FHIT: variants seen among roughly 807,000 people sequenced by gnomAD.
FHIT encodes the protein fragile histidine triad diadenosine triphosphatase.
In FHIT, 19 loss-of-function variants were observed where a neutral mutation model predicts 17.9. That is an observed-to-expected ratio of 1.06 (90% CI 0.74 to 1.56). The LOEUF is 1.56. Ranked by LOEUF, FHIT falls within the 40% of genes most tolerant of loss-of-function variation. FHIT has a pLI of 0.00. For missense variants in FHIT, 248 were observed against 189.2 expected (o/e 1.31, Z -1.82); for synonymous variants, 81 against 69.7 (o/e 1.16, Z -0.81).
chr3:60,949,616 C>T (rs9838956), intron 3 of FHIT, among the ~76,000 whole-genome samples: 1 of 152,300 alleles, frequency 6.6e-6, no homozygotes, highest in South Asian at 2.1e-4. Context: ...CTAATTGTTT[C>T]TCCGGCTTTG....
At chr3:61,061,500 A>G (rs554025813) in intron 2 of FHIT, among the ~76,000 whole-genome samples, 134 of 151,770 alleles carry the variant, frequency 8.8e-4, no homozygotes, top group Non-Finnish European at 1.7e-3. Context: ...TATTTTATTT[A>G]TTTTAATTAA....
chr3:59,747,396 T>C lies in FHIT; in HGVS notation c.*2189A>G, dbSNP rs78136273. 1.3e-3 allele frequency among the ~76,000 whole-genome samples: 204 copies of C among 152,156 alleles called. 1 individual carries two copies. The highest frequency in any genetic ancestry group is 6.8e-3 in the Middle Eastern group (2 of 294). On this transcript the variant is annotated 3_prime_UTR_variant, in exon 10 of 10. Transcript: ENST00000492590. ...GCGTATTCAGGGGAAATGTCCTTTA[T>C]AAAACCATCACTATCAATCATGAGA...
At chr3:61,144,697 C>T (rs1270218803) in intron 2 of FHIT, among the ~76,000 whole-genome samples, 2 of 152,308 alleles carry the variant, frequency 1.3e-5, no homozygotes. Flanking sequence ...CTTATCCTCA[C>T]CAACGCTTGT....
chr3:60,956,096 C>A (rs1417638414), intron 3 of FHIT, among the ~76,000 whole-genome samples: 2 of 151,992 alleles, frequency 1.3e-5, no homozygotes, highest in African/African-American at 2.4e-5. Flanking sequence ...ACTCATGTAC[C>A]CTATTTAATG....
intron 5 of FHIT, among the ~76,000 whole-genome samples, chr3:60,118,326 T>G (rs1049601844): frequency 1.3e-5 from 2 of 151,614 alleles, no homozygotes; most frequent in African/African-American, 4.8e-5. Flanking sequence ...CAGGATGGTC[T>G]TGAACTCCTG....
intron 5 of FHIT, among the ~76,000 whole-genome samples, chr3:60,083,271 G>A (rs1342805244): frequency 6.6e-6 from 1 of 152,104 alleles, no homozygotes; most frequent in African/African-American, 2.4e-5. Flanking sequence ...AGTTGGAGGT[G>A]TGAGGTTTTA....
At chr3:59,929,363 G>GTTTTTTTTTTT (rs869243844) in intron 7 of FHIT, among the ~76,000 whole-genome samples, 24 of 67,056 alleles carry the variant, frequency 3.6e-4, no homozygotes, top group South Asian at 1.4e-3. Context: ...TGTTTTTTTG[G>GTTTTTTTTTTT]TTTTTTTTTT....
intron 4 of FHIT, among the ~76,000 whole-genome samples, chr3:60,540,161 T>A (rs2036139599): frequency 6.6e-6 from 1 of 152,034 alleles, no homozygotes; most frequent in African/African-American, 2.4e-5. Flanking sequence ...TTTAGGGAGC[T>A]TCTGGATAGC....
intron 7 of FHIT, among the ~76,000 whole-genome samples, chr3:59,964,790 TAATTATTCTGTGTTATTATTTTTAAA>T (rs1411525306): frequency 6.6e-6 from 1 of 151,918 alleles, no homozygotes; most frequent in Admixed American, 6.5e-5. Flanking sequence ...GCAAGTTGTA[TAATTATTCTGTGTTATTATTTTTAAA>T]AGCCCTATAT....
intron 5 of FHIT, among the ~76,000 whole-genome samples, chr3:60,364,250 A>T (rs907290824): frequency 6.6e-6 from 1 of 152,176 alleles, no homozygotes; most frequent in African/African-American, 2.4e-5. Context: ...TGTGTACTCC[A>T]TGCTGCTTTC....
chr3:60,569,755 A>ATATATATATATATATATATATAT, intron 4 of FHIT, among the ~76,000 whole-genome samples: 2 of 77,332 alleles, frequency 2.6e-5, no homozygotes, highest in African/African-American at 9.7e-5. Flanking sequence ...ATATATATAT[A>ATATATATATATATATATATATAT]TTTTTTTTTT....
chr3:60,820,108 G>A (rs1175759634), intron 4 of FHIT, among the ~76,000 whole-genome samples: 1 of 152,048 alleles, frequency 6.6e-6, no homozygotes, highest in Non-Finnish European at 1.5e-5. Flanking sequence ...AGGGGTTCAA[G>A]ACCAGCCTGG....
intron 3 of FHIT, among the ~76,000 whole-genome samples, chr3:60,837,966 G>T (rs1702592339): frequency 6.6e-6 from 1 of 152,032 alleles, no homozygotes; most frequent in Non-Finnish European, 1.5e-5. Context: ...ATCCACATCA[G>T]AATATTGCAA....
chr3:59,813,340 G>C (rs1375678125), intron 8 of FHIT, among the ~76,000 whole-genome samples: 1 of 152,168 alleles, frequency 6.6e-6, no homozygotes, highest in Non-Finnish European at 1.5e-5. Context: ...TTACACCTTG[G>C]AAATGTGTGG....
At chr3:60,130,257 G>A (rs976958526) in intron 5 of FHIT, among the ~76,000 whole-genome samples, 11 of 152,066 alleles carry the variant, frequency 7.2e-5, no homozygotes, top group African/African-American at 1.9e-4. Flanking sequence ...AAAACTGGAG[G>A]GTAAAACAAG....
At chr3:60,324,631 A>C (rs1041203629) in intron 5 of FHIT, among the ~76,000 whole-genome samples, 1 of 151,700 alleles carries the variant, frequency 6.6e-6, no homozygotes, top group Non-Finnish European at 1.5e-5. Context: ...GTGGTTGAAA[A>C]GGGATTAAGG....
intron 4 of FHIT, among the ~76,000 whole-genome samples, chr3:60,800,371 T>G (rs1701145148): frequency 6.6e-6 from 1 of 152,188 alleles, no homozygotes; most frequent in Non-Finnish European, 1.5e-5. Flanking sequence ...GTAGAGACCA[T>G]GTGCACTTAA....
At position 60,131,399 on chromosome 3, in the gene FHIT, T is replaced by C. The variant is rs568423944; in HGVS notation, c.104-117247A>G. Among the ~76,000 whole-genome samples, 159 of 152,238 alleles carry C rather than the reference T, an allele frequency of 1.0e-3. 1 individual carries two copies. The highest frequency in any genetic ancestry group is 3.6e-3 in the African/African-American group (150 of 41,556). Reference sequence around the variant, plus strand: ...ATGAAATTCACACACGCAGAGCCCATGGATACAGAGGTCCAACTCCATTTT... The same window carrying C: ...ATGAAATTCACACACGCAGAGCCCACGGATACAGAGGTCCAACTCCATTTT... On this transcript the variant is annotated intron_variant, in intron 5 of 9. Coordinates refer to ENST00000492590, the MANE Select transcript of FHIT (RefSeq NM_002012.4).
intron 5 of FHIT, among the ~76,000 whole-genome samples, chr3:60,047,671 CAACA>C (rs1701707257): frequency 6.6e-6 from 1 of 152,178 alleles, no homozygotes; most frequent in South Asian, 2.1e-4. Flanking sequence ...ATTAGAATAA[CAACA>C]AACACTTAGG....
Sources: allele counts gnomAD v4.1 joint callset (sites outside exome capture counted in the v4.1 genomes callset), GRCh38; gene constraint gnomAD v4.1.1; transcripts MANE v1.5; gene names NCBI Gene and HGNC (gene_info 2026-07-23, HGNC 2026-07-21).